CADPS2: variants seen among roughly 807,000 people sequenced by gnomAD.
CADPS2 encodes the protein calcium-dependent secretion activator 2.
CADPS2 carries 93 observed loss-of-function variants against 172.5 expected under a neutral mutation model. That is an observed-to-expected ratio of 0.54 (90% CI 0.46 to 0.64). The LOEUF is 0.64. Ranked by LOEUF, CADPS2 falls within the 30% of genes least tolerant of loss-of-function variation. CADPS2 has a pLI of 0.00. For synonymous variants in CADPS2, 546 were observed against 555.2 expected, an observed-to-expected ratio of 0.98 and a Z score of 0.23; for missense variants, 1,420 against 1,565.9, an observed-to-expected ratio of 0.91 and a Z score of 1.57.
chr7:122,343,921 A>C (rs371814285), intron 28 of CADPS2, among the ~76,000 whole-genome samples: 11 of 152,224 alleles, frequency 7.2e-5, no homozygotes, highest in African/African-American at 2.7e-4. Flanking sequence ...GATGGATGAT[A>C]ATTTTTCTAC....
chr7:122,527,649 TG>T (rs1563602371), intron 8 of CADPS2, among the ~76,000 whole-genome samples: 143 of 144,304 alleles, frequency 9.9e-4, no homozygotes, highest in African/African-American at 3.6e-3. Flanking sequence ...TGTGTGTGTG[TG>T]TGTTTCCTGC....
intron 20 of CADPS2, among the ~76,000 whole-genome samples, chr7:122,403,889 C>G (rs1268232889): frequency 6.6e-6 from 1 of 152,030 alleles, no homozygotes; most frequent in Non-Finnish European, 1.5e-5. Context: ...TCCAAGAAAT[C>G]CACAACATAT....
At chr7:122,484,932 G>A (rs1563474392) in intron 11 of CADPS2, among the ~76,000 whole-genome samples, 2 of 152,026 alleles carry the variant, frequency 1.3e-5, no homozygotes, top group Non-Finnish European at 2.9e-5. Flanking sequence ...TCATGTTATG[G>A]TAATTCTCAC....
intron 7 of CADPS2, among the ~76,000 whole-genome samples, chr7:122,557,849 C>T (rs920717077): frequency 6.6e-6 from 1 of 152,168 alleles, no homozygotes. Flanking sequence ...CTAGCTCCTC[C>T]TGCTTCTAAG....
At chr7:122,450,620 C>A (rs1207223362) in intron 15 of CADPS2, among the ~76,000 whole-genome samples, 2 of 147,592 alleles carry the variant, frequency 1.4e-5, no homozygotes, top group Admixed American at 7.0e-5. Flanking sequence ...GCCTCGACCT[C>A]CCCAGAATCA....
rs150067591 is a variant in CADPS2, at chr7:122,723,910, C to G, written c.453+13045G>C. Among the ~76,000 whole-genome samples the G allele has an allele frequency of 7.3e-3, 1,112 of 152,002 alleles. 10 individuals are homozygous for G. Among genetic ancestry groups the G allele is most frequent in the African/African-American group, 0.025 (1,038 of 41,472 alleles). On this transcript the variant is annotated intron_variant, in intron 2 of 29. Coordinates refer to ENST00000449022, the MANE Select transcript of CADPS2 (RefSeq NM_017954.11). ...GGATGAAGCTGGAAACCATCATTCTCAGCAAACTGTCACAAGGACAGAAAT... is the reference window on the plus strand; with the variant it reads ...GGATGAAGCTGGAAACCATCATTCTGAGCAAACTGTCACAAGGACAGAAAT...
At chr7:122,651,189 T>G (rs1215686234) in intron 3 of CADPS2, among the ~76,000 whole-genome samples, 2 of 151,956 alleles carry the variant, frequency 1.3e-5, no homozygotes, top group Non-Finnish European at 1.5e-5. Context: ...GAATGTGCTA[T>G]TATTTCTGCT....
chr7:122,456,452 A>C lies in CADPS2; in HGVS notation c.2187-4977T>G, dbSNP rs927134020. 3.3e-5 allele frequency among the ~76,000 whole-genome samples: 5 copies of C among 152,248 alleles called. No homozygotes were observed. In the East Asian group the frequency reaches 7.7e-4, roughly 23 times the overall value. On this transcript the variant is annotated intron_variant, in intron 14 of 29. Coordinates refer to ENST00000449022, the MANE Select transcript of CADPS2 (RefSeq NM_017954.11). ...GTAGTTATTGAAGTTACATGATTTC[A>C]ATAAAAATAGGGTGCTCTGTGAAAA...
chr7:122,795,414 G>T (rs6960106), intron 1 of CADPS2, among the ~76,000 whole-genome samples: 35,884 of 151,902 alleles, frequency 0.24, 4,794 homozygotes, highest in African/African-American at 0.36. Flanking sequence ...CCAGGAAAAT[G>T]TGAACCCCTG....
intron 1 of CADPS2, among the ~76,000 whole-genome samples, chr7:122,773,600 T>TA (rs1410422735): frequency 1.3e-5 from 2 of 152,090 alleles, no homozygotes; most frequent in Non-Finnish European, 2.9e-5. Flanking sequence ...AAAGGCTTCC[T>TA]AAAAGAGCTG....
chr7:122,480,137 C>T, intron 12 of CADPS2: 1 of 470,972 alleles, frequency 2.1e-6, no homozygotes. Context: ...AGCCTCTTCC[C>T]CACCCCTTCA....
In CADPS2 at chr7:122,645,225, C is replaced by T. The variant is rs572360367; in HGVS notation, c.787-15897G>A. 7.8e-4 allele frequency among the ~76,000 whole-genome samples: 40 copies of T among 51,250 alleles called. 1 individual carries two copies. In the South Asian group the frequency reaches 0.018, roughly 23 times the overall value. 33.6% of individuals were successfully genotyped at this position (51,250 alleles called of 152,430 possible). A position where few individuals can be genotyped will look rare whatever the true frequency, so the allele number is the denominator to read the frequency against. On this transcript the variant is annotated intron_variant, in intron 3 of 29. Coordinates refer to ENST00000449022, the MANE Select transcript of CADPS2 (RefSeq NM_017954.11). ...ATGTATATACATAAGTATATATATA[C>T]GCTAAGTATATATATACACACATGT...
chr7:122,474,328 G>A (rs1233375371), intron 13 of CADPS2, 53 bp downstream of exon 13: 1 of 1,536,148 alleles, frequency 6.5e-7, no homozygotes. Flanking sequence ...ACTTATAGGG[G>A]ATCTAAAATC....
chr7:122,535,064 T>C (rs1462332408), intron 8 of CADPS2, among the ~76,000 whole-genome samples: 1 of 152,158 alleles, frequency 6.6e-6, no homozygotes, highest in Non-Finnish European at 1.5e-5. Flanking sequence ...ATAATCCTGA[T>C]ACTTCCAGTC....
rs537705100 is a variant in CADPS2 at position 122,547,429 on chromosome 7, A to G, written c.1475+7121T>C. 2.6e-5 allele frequency among the ~76,000 whole-genome samples: 4 copies of G among 152,312 alleles called. No homozygotes were observed. In the South Asian group the frequency reaches 8.3e-4, roughly 32 times the overall value. On this transcript the variant is annotated intron_variant, in intron 8 of 29. Transcript: ENST00000449022. ...ACAAATCCACCTTACAGTGGTACCA[A>G]TTAGATAATTTGAAGTTAATATCCA...
At position 122,519,092 on chromosome 7, in the gene CADPS2, G is replaced by C. The variant is rs369989638; in HGVS notation, c.1476-5777C>G. The stretch of plus-strand genomic sequence containing the variant: ...CTATTAGCAAATGGCCCTGGGTTGG[G>C]GCGGGGGAGGGAATCCCCAATCAAA... On this transcript the variant is annotated intron_variant, in intron 8 of 29. Coordinates refer to ENST00000449022, the MANE Select transcript of CADPS2 (RefSeq NM_017954.11). Among the ~76,000 whole-genome samples, 78 of 152,136 alleles carry C rather than the reference G, an allele frequency of 5.1e-4. No homozygotes were observed. The East Asian group carries it at 0.011, about 21-fold the overall frequency.
In CADPS2 at chr7:122,480,849, T is replaced by TA. The variant is rs768310756; in HGVS notation, c.1861+2dup. Reference sequence around the variant, plus strand: ...TAATTTTAAAAATCATGAAAATACTTACCTTTACCAGCTACAGGTCAGCAA... The same window carrying TA: ...TAATTTTAAAAATCATGAAAATACTTAACCTTTACCAGCTACAGGTCAGCAA... On this transcript the variant is annotated splice_region_variant and intron_variant, in intron 12 of 29. Coordinates refer to ENST00000449022, the MANE Select transcript of CADPS2 (RefSeq NM_017954.11). 2.0e-6 allele frequency: 3 copies of TA among 1,518,830 alleles called. No individual in the cohort carries two copies. The highest frequency in any genetic ancestry group is 1.4e-5 in the African/African-American group (1 of 72,352). 94.1% of individuals were successfully genotyped at this position (1,518,830 alleles called of 1,614,324 possible).
chr7:122,809,656 G>A (rs572742141), intron 1 of CADPS2, among the ~76,000 whole-genome samples: 2 of 151,660 alleles, frequency 1.3e-5, no homozygotes, highest in South Asian at 2.1e-4. Flanking sequence ...GGTCTAATTT[G>A]GCAATTTTAT....
chr7:122,621,454 A>T (rs1400672753), intron 5 of CADPS2, 27 bp downstream of exon 5: 7 of 1,392,874 alleles, frequency 5.0e-6, no homozygotes, highest in Non-Finnish European at 7.1e-6. Flanking sequence ...ATGCTGTCAG[A>T]GGTGAGCATG....
Sources: allele counts gnomAD v4.1 joint callset (sites outside exome capture counted in the v4.1 genomes callset), GRCh38; gene constraint gnomAD v4.1.1; transcripts MANE v1.5; gene names NCBI Gene and HGNC (gene_info 2026-07-23, HGNC 2026-07-21).